Variants in CHD7 observed in about 807,000 individuals in gnomAD.
CHD7 encodes the protein ATP-dependent chromatin remodeler CHD7.
CHD7 carries 24 observed loss-of-function variants against 307.3 expected under a neutral mutation model. The observed-to-expected ratio is 0.08, with a 90% CI of 0.06 to 0.11. The LOEUF (loss-of-function observed/expected upper bound fraction) is 0.11. CHD7 is among the 10% of genes least tolerant of loss of function. The pLI is 1.00. For synonymous variants in CHD7, 1,363 were observed against 1,349.9 expected (o/e 1.01, Z -0.21); for missense variants, 3,106 against 3,727.1 (o/e 0.83, Z 4.34).
intron 1 of CHD7, among the ~76,000 whole-genome samples, chr8:60,711,706 G>A (rs969209900): frequency 1.3e-5 from 2 of 152,194 alleles, no homozygotes; most frequent in African/African-American, 4.8e-5. Flanking sequence ...TACCATAGAA[G>A]TTATAACATG....
At chr8:60,682,853 T>C (rs1805699496) in intron 1 of CHD7, among the ~76,000 whole-genome samples, 1 of 152,246 alleles carries the variant, frequency 6.6e-6, no homozygotes, top group Non-Finnish European at 1.5e-5. Context: ...TAAAAATGTT[T>C]AGTCAGGTCT....
chr8:60,713,957 TAG>T (rs1807413483), intron 1 of CHD7, among the ~76,000 whole-genome samples: 1 of 152,220 alleles, frequency 6.6e-6, no homozygotes, highest in African/African-American at 2.4e-5. Context: ...TCTTTCTTTG[TAG>T]AAAGATAGCA....
At chr8:60,745,536 A>T (rs1273000183) in intron 2 of CHD7, among the ~76,000 whole-genome samples, 1 of 152,188 alleles carries the variant, frequency 6.6e-6, no homozygotes, top group Non-Finnish European at 1.5e-5. Context: ...GTGTCATTAT[A>T]GGCAAACTCA....
At chr8:60,790,976 A>G (rs538715178) in intron 3 of CHD7, among the ~76,000 whole-genome samples, 1 of 152,248 alleles carries the variant, frequency 6.6e-6, no homozygotes, top group South Asian at 2.1e-4. Flanking sequence ...TAAAAGTGTA[A>G]GTAGAAGAGA....
chr8:60,854,342 G>A (rs1805611435), intron 31 of CHD7, 21 bp from the exon 32 acceptor site: 5 of 1,607,654 alleles, frequency 3.1e-6, no homozygotes, highest in Non-Finnish European at 4.3e-6. Flanking sequence ...TGTGAGTAAT[G>A]CACATTAACT....
chr8:60,742,236 C>T lies in CHD7; in HGVS notation c.804C>T (p.Ser268=), dbSNP rs780756877. The change falls in exon 2 of 38, where the codon TCC becomes TCT. Residue 268 remains serine, a synonymous_variant. Coordinates refer to ENST00000423902, the MANE Select transcript of CHD7 (RefSeq NM_017780.4). ...CCTCTACTGCTCTCCATGGAGAATCCGTTGCCCACAGTCCCAGATTCTCCC... is the reference window on the plus strand; with the variant it reads ...CCTCTACTGCTCTCCATGGAGAATCTGTTGCCCACAGTCCCAGATTCTCCC... ...HHPSTALHGE[S]VAHSPRFSPN... The T allele has an allele frequency of 2.0e-5, 33 of 1,613,742 alleles. No individual in the cohort carries two copies. Among genetic ancestry groups the T allele is most frequent in the Non-Finnish European group, 2.5e-5 (29 of 1,179,872 alleles).
chr8:60,686,542 A>G (rs754998263), intron 1 of CHD7, among the ~76,000 whole-genome samples: 3 of 152,136 alleles, frequency 2.0e-5, no homozygotes, highest in Non-Finnish European at 4.4e-5. Context: ...CTCTCCTGGC[A>G]TCTGCAGTGG....
rs763070165 is a variant in CHD7 at position 60,841,979 on chromosome 8, C to T, written c.4777C>T (p.Arg1593Cys). The stretch of plus-strand genomic sequence containing the variant: ...AGAAAAGCCCTGTGCAAAGCCACGG[C>T]GTCCCCAGGATAAGTCACAGGGCTA... ...SEEKPCAKPR[R>C]PQDKSQGYAR... is the part of the protein sequence containing the mutation. Residue 1593 changes from arginine (R) to cysteine (C), a missense_variant, in exon 21 of 38, where the codon CGT becomes TGT. Arg to Cys is a radical substitution (Grantham distance 180). Around this residue, in one of 10 missense-constraint regions of CHD7, gnomAD observed 122 missense variants for 124.5 expected, o/e 0.98. Coordinates refer to ENST00000423902, the MANE Select transcript of CHD7 (RefSeq NM_017780.4). 15 of 1,613,706 alleles carry T rather than the reference C, an allele frequency of 9.3e-6. No homozygotes were observed. Among genetic ancestry groups the T allele is most frequent in the Non-Finnish European group, 1.2e-5 (14 of 1,179,784 alleles).
In CHD7 at chr8:60,820,110, AT is replaced by A; in HGVS notation, c.2697+22del. Reference sequence around the variant, plus strand: ...GGAGAGGTAACAGGAGATCATTTGTATTACAAAGTGGTGATTCAGGCAACCC... The same window carrying A: ...GGAGAGGTAACAGGAGATCATTTGTATACAAAGTGGTGATTCAGGCAACCC... On this transcript the variant is annotated intron_variant, in intron 9 of 37. Transcript: ENST00000423902. 6.5e-7 allele frequency: 1 copy of A among 1,545,284 alleles called. No individual in the cohort carries two copies. The highest frequency in any genetic ancestry group is 1.4e-5 in the African/African-American group (1 of 73,720).
At chr8:60,730,910 G>A (rs1808420027) in intron 1 of CHD7, among the ~76,000 whole-genome samples, 1 of 152,036 alleles carries the variant, frequency 6.6e-6, no homozygotes, top group Non-Finnish European at 1.5e-5. Flanking sequence ...TAACTCCTAA[G>A]TTTTTAATTG....
chr8:60,801,540 G>T lies in CHD7; in HGVS notation c.2389G>T (p.Ala797Ser). Residue 797 changes from alanine (A) to serine (S), a missense_variant, in exon 6 of 38, where the codon GCA (alanine) becomes TCA (serine). Coordinates refer to ENST00000423902, the MANE Select transcript of CHD7 (RefSeq NM_017780.4). ...SQSEQQESVD[A>S]EGPVVEKIMS... ...CCTTTTTTTTTAGGAATCTGTTGAT[G>T]CAGAAGGCCCAGTGGTAGAAAAAAT... 1 of 1,572,760 alleles carries T rather than the reference G, an allele frequency of 6.4e-7. No individual in the cohort carries two copies. Among genetic ancestry groups the T allele is most frequent in the South Asian group, 1.2e-5 (1 of 85,428 alleles).
intron 21 of CHD7, among the ~76,000 whole-genome samples, chr8:60,844,059 C>T (rs576937046): frequency 6.2e-4 from 95 of 152,352 alleles, no homozygotes; most frequent in African/African-American, 1.9e-3. Flanking sequence ...GTGGCTCAGT[C>T]TGCTGTCGCC....
Position 60,741,515 on chromosome 8 carries a change from G to C in CHD7, c.83G>C (p.Gly28Ala), listed in dbSNP as rs1809007164. 3 of 1,613,056 alleles carry C rather than the reference G, an allele frequency of 1.9e-6. No homozygotes were observed. The South Asian group carries it at 3.3e-5, about 18-fold the overall frequency. ...SEGLEGLGEC[G>A]YPENPVNPMG... ...GGTCTTGAAGGCCTCGGAGAATGTG[G>C]TTACCCGGAAAATCCAGTAAATCCT... Residue 28 changes from glycine (G) to alanine (A), a missense_variant, in exon 2 of 38, where the codon GGT becomes GCT. Transcript: ENST00000423902.
chr8:60,836,857 C>T lies in CHD7; in HGVS notation c.4030C>T (p.Leu1344Phe), dbSNP rs1478092831. 1.2e-6 allele frequency: 2 copies of T among 1,613,786 alleles called. No individual in the cohort carries two copies. The highest frequency in any genetic ancestry group is 2.2e-5 in the South Asian group (2 of 91,042). The change falls in exon 17 of 38, where the codon CTC (leucine) becomes TTC (phenylalanine). Residue 1344 changes from leucine to phenylalanine, a missense_variant. This residue lies in a region of CHD7 where 232 missense variants were observed against 422.5 expected (regional missense o/e 0.55). Coordinates refer to ENST00000423902, the MANE Select transcript of CHD7 (RefSeq NM_017780.4). ...ERIDGRVRGN[L>F]RQAAIDRFSK... ...GATCGACGGCCGAGTAAGAGGCAACCTCCGCCAGGCAGCTATCGACAGATT... is the reference window on the plus strand; with the variant it reads ...GATCGACGGCCGAGTAAGAGGCAACTTCCGCCAGGCAGCTATCGACAGATT...
At chr8:60,796,077 C>G (rs1396784383) in intron 4 of CHD7, among the ~76,000 whole-genome samples, 1 of 152,136 alleles carries the variant, frequency 6.6e-6, no homozygotes, top group East Asian at 1.9e-4. Flanking sequence ...TTGGCTTTGG[C>G]TTTTTGTTTG....
chr8:60,842,427 T>C (rs1365243952), intron 21 of CHD7, among the ~76,000 whole-genome samples: 1 of 152,266 alleles, frequency 6.6e-6, no homozygotes, highest in African/African-American at 2.4e-5. Flanking sequence ...ATTTCTCTTA[T>C]AAAAAATTGT....
intron 1 of CHD7, among the ~76,000 whole-genome samples, chr8:60,715,464 C>T (rs989804817): frequency 6.6e-6 from 1 of 151,984 alleles, no homozygotes; most frequent in Non-Finnish European, 1.5e-5. Flanking sequence ...GGATTACAGG[C>T]ACCTGCCACC....
At chr8:60,793,330 T>C (rs530954317) in intron 3 of CHD7, among the ~76,000 whole-genome samples, 1 of 152,264 alleles carries the variant, frequency 6.6e-6, no homozygotes, top group Non-Finnish European at 1.5e-5. Context: ...TTTCTTTTCT[T>C]TTAAATAAAA....
In CHD7 at chr8:60,856,931, C is replaced by T. The variant is rs766496439; in HGVS notation, c.7608+43C>T. 3 of 1,495,060 alleles carry T rather than the reference C, an allele frequency of 2.0e-6. No individual in the cohort carries two copies. The East Asian group carries it at 6.8e-5, about 34-fold the overall frequency. 92.6% of individuals were successfully genotyped at this position (1,495,060 alleles called of 1,614,324 possible). The stretch of plus-strand genomic sequence containing the variant: ...CCTGCATGGCGATTGCACGTGTTGA[C>T]AGCTGAGGGTCCTGTGATGCTCACG... On this transcript the variant is annotated intron_variant, in intron 34 of 37. Transcript: ENST00000423902.
Sources: gnomAD v4.1 joint callset for allele counts (sites outside exome capture counted in the v4.1 genomes callset) on GRCh38, gnomAD v4.1.1 for gene constraint, gnomAD v4.1.1 regional missense constraint, MANE v1.5 for transcripts, NCBI Gene and HGNC (gene_info 2026-07-23, HGNC 2026-07-21) for gene names.